GRIK5: variants seen among roughly 807,000 people sequenced by gnomAD.
The protein encoded by GRIK5 is glutamate ionotropic receptor kainate type subunit 5, also known as glutamate receptor ionotropic, kainate 5.
GRIK5 carries 43 observed loss-of-function variants against 97.4 expected under a neutral mutation model. The ratio of observed to expected loss-of-function variants is 0.44; its 90% CI spans 0.35 to 0.57. The LOEUF is 0.57. Ranked by LOEUF, GRIK5 falls within the 20% of genes least tolerant of loss-of-function variation. The pLI is 0.01. For missense variants in GRIK5, 1,015 were observed against 1,382.0 expected (o/e 0.73, Z 4.21); for synonymous variants, 580 against 583.5 (o/e 0.99, Z 0.09).
chr19:42,063,338 CAT>C (rs1265465289), intron 3 of GRIK5: 8 of 456,884 alleles, frequency 1.8e-5, no homozygotes, highest in East Asian at 1.4e-4. Flanking sequence ...TCCTTATACA[CAT>C]GTGTGTCTCA....
intron 12 of GRIK5, among the ~76,000 whole-genome samples, chr19:42,023,710 G>T (rs2075731986): frequency 6.6e-6 from 1 of 152,234 alleles, no homozygotes; most frequent in Non-Finnish European, 1.5e-5. Flanking sequence ...GGCAAGGACA[G>T]GGGCTCTGCT....
chr19:42,021,380 A>G lies in GRIK5; in HGVS notation c.1792T>C (p.Phe598Leu). The change falls in exon 15 of 20, where the codon TTT becomes CTT. Residue 598 changes from phenylalanine to leucine, a missense_variant. This residue lies in a region of GRIK5 where 477 missense variants were observed against 701.1 expected (regional missense o/e 0.68). Transcript: ENST00000593562. The surrounding 1 kb of genome is among the most constrained non-coding windows in gnomAD (Gnocchi z 4.2). ...NQYTLGNSLWFPVGGFMQQGS... is the reference protein window; with the variant it reads ...NQYTLGNSLWLPVGGFMQQGS... ...TGCTGCATGAAGCCCCCCACGGGAA[A>G]CCACAGGCTGTTGCCCAGCGTGTAC... The G allele has an allele frequency of 6.2e-7, 1 of 1,613,466 alleles. No individual in the cohort carries two copies. The highest frequency in any genetic ancestry group is 8.5e-7 in the Non-Finnish European group (1 of 1,179,790).
intron 12 of GRIK5, among the ~76,000 whole-genome samples, chr19:42,031,373 G>A (rs1474901095): frequency 3.9e-5 from 6 of 152,260 alleles, no homozygotes; most frequent in East Asian, 3.9e-4. Flanking sequence ...GAGCTTCCAC[G>A]TGGCTCTTTC....
At chr19:42,009,496 G>A (rs964645152) in intron 15 of GRIK5, among the ~76,000 whole-genome samples, 9 of 151,276 alleles carry the variant, frequency 5.9e-5, no homozygotes, top group Admixed American at 6.6e-5. Flanking sequence ...GGCTGGGCGC[G>A]GTGGCTCACG....
At chr19:42,043,728 T>C (rs2076009057) in intron 11 of GRIK5, among the ~76,000 whole-genome samples, 1 of 152,024 alleles carries the variant, frequency 6.6e-6, no homozygotes, top group South Asian at 2.1e-4. Flanking sequence ...TAAGAGAATT[T>C]GGAAACTTAA....
chr19:42,019,944 A>T (rs1465088018), intron 15 of GRIK5, among the ~76,000 whole-genome samples: 1 of 151,832 alleles, frequency 6.6e-6, no homozygotes, highest in East Asian at 1.9e-4. Context: ...TTTTTGCAGT[A>T]GCAATAGGAA....
At position 42,053,684 on chromosome 19, in the gene GRIK5, G is replaced by T; in HGVS notation, c.1187C>A (p.Thr396Asn). 1 of 1,612,770 alleles carries T rather than the reference G, an allele frequency of 6.2e-7. No homozygotes were observed. Among genetic ancestry groups the T allele is most frequent in the Non-Finnish European group, 8.5e-7 (1 of 1,178,740 alleles). ...CAGGGTGGTGGCATTCATGGCCAGG[G>T]TGCGGTTAGAGTACCACACCCCAAT... ...REIGVWYSNR[T>N]LAMNATTLDI... The change falls in exon 11 of 20, where the codon ACC becomes AAC. Residue 396 changes from threonine (T) to asparagine (N), a missense_variant. Transcript: ENST00000593562.
In GRIK5 at chr19:42,062,377, G is replaced by T; in HGVS notation, c.508+111C>A. ...AAGATGGGAGAAGAGCCTGGTGCCT[G>T]GGTGCCCCAGGGTTCTAACTAGGGG... is the stretch of plus-strand genomic sequence containing the variant. On this transcript the variant is annotated intron_variant, in intron 5 of 19. Transcript: ENST00000593562. The surrounding 1 kb of genome is among the most constrained non-coding windows in gnomAD (Gnocchi z 5.3). 9.6e-7 allele frequency: 1 copy of T among 1,038,092 alleles called. No homozygotes were observed. 64.3% of individuals were successfully genotyped at this position (1,038,092 alleles called of 1,614,324 possible).
intron 15 of GRIK5, among the ~76,000 whole-genome samples, chr19:42,014,262 C>T (rs541475356): frequency 2.6e-4 from 40 of 151,808 alleles, no homozygotes; most frequent in Non-Finnish European, 4.0e-4. Context: ...GGCGTGCTGG[C>T]GTGCGCTTGT....
At chr19:42,020,402 T>C (rs2075682578) in intron 15 of GRIK5, among the ~76,000 whole-genome samples, 1 of 152,246 alleles carries the variant, frequency 6.6e-6, no homozygotes, top group South Asian at 2.1e-4. Flanking sequence ...GGAATGGGGC[T>C]GATTCCTCAC....
intron 11 of GRIK5, among the ~76,000 whole-genome samples, chr19:42,047,597 C>T (rs1343242118): frequency 6.6e-6 from 1 of 151,966 alleles, no homozygotes; most frequent in Admixed American, 6.6e-5. Flanking sequence ...TGATTTGTGA[C>T]AAAGGTAAAA....
In GRIK5 at chr19:42,018,382, C is replaced by T. The variant is rs1029346345; in HGVS notation, c.1871+2919G>A. Among the ~76,000 whole-genome samples the T allele has an allele frequency of 5.4e-5, 8 of 149,184 alleles. 1 individual carries two copies. Among genetic ancestry groups the T allele is most frequent in the African/African-American group, 1.3e-4 (5 of 39,754 alleles). ...AGAAATGTTGCTTCTCAGCCAGGTGCCGTGGCTCACACCTGTAATCCCAGC... is the reference window on the plus strand; with the variant it reads ...AGAAATGTTGCTTCTCAGCCAGGTGTCGTGGCTCACACCTGTAATCCCAGC... On this transcript the variant is annotated intron_variant, in intron 15 of 19. Coordinates refer to ENST00000593562, the MANE Select transcript of GRIK5 (RefSeq NM_002088.5).
At chr19:42,052,321 G>C (rs2076127546) in intron 11 of GRIK5, among the ~76,000 whole-genome samples, 1 of 151,724 alleles carries the variant, frequency 6.6e-6, no homozygotes, top group African/African-American at 2.4e-5. Context: ...GCCTCCAGGA[G>C]GCTTCAGGGA....
At chr19:42,067,712 G>T (rs1196594342) in intron 1 of GRIK5, among the ~76,000 whole-genome samples, 1 of 152,084 alleles carries the variant, frequency 6.6e-6, no homozygotes, top group East Asian at 1.9e-4. Flanking sequence ...AGGGTTGAGG[G>T]GCAGCAGGTG....
chr19:42,031,508 C>T (rs2075840932), intron 12 of GRIK5, among the ~76,000 whole-genome samples: 1 of 152,214 alleles, frequency 6.6e-6, no homozygotes, highest in Non-Finnish European at 1.5e-5. Context: ...ATGGCCCCAT[C>T]AGGCCCCTTC....
chr19:42,060,770 C>T (rs1279634620), intron 5 of GRIK5, among the ~76,000 whole-genome samples: 1 of 151,996 alleles, frequency 6.6e-6, no homozygotes, highest in Non-Finnish European at 1.5e-5. Context: ...CTCCCTCCTT[C>T]CCCTCCTCCA....
At chr19:42,066,073 G>A (rs913324507) in intron 1 of GRIK5, among the ~76,000 whole-genome samples, 16 of 152,186 alleles carry the variant, frequency 1.1e-4, no homozygotes, top group Non-Finnish European at 2.9e-5. Flanking sequence ...GGCTGCAAGA[G>A]AGAGGATGGG....
rs146596403 is a variant in GRIK5 at position 41,999,766 on chromosome 19, C to G, written c.2515-467G>C. Reference sequence around the variant, plus strand: ...TCCCAGCCCTCGTGGAGGTTATGCTCAAGTGTGCAGAGACAGAAGATAACA... The same window carrying G: ...TCCCAGCCCTCGTGGAGGTTATGCTGAAGTGTGCAGAGACAGAAGATAACA... On this transcript the variant is annotated intron_variant, in intron 19 of 19. Coordinates refer to ENST00000593562, the MANE Select transcript of GRIK5 (RefSeq NM_002088.5). The surrounding 1 kb of genome is among the most constrained non-coding windows in gnomAD (Gnocchi z 5.0). Among the ~76,000 whole-genome samples, 1 of 152,302 alleles carries G rather than the reference C, an allele frequency of 6.6e-6. No homozygotes were observed. Among genetic ancestry groups the G allele is most frequent in the East Asian group, 1.9e-4 (1 of 5,184 alleles).
intron 11 of GRIK5, among the ~76,000 whole-genome samples, chr19:42,044,513 C>T (rs2076019172): frequency 1.3e-5 from 2 of 152,182 alleles, no homozygotes; most frequent in South Asian, 4.1e-4. Flanking sequence ...GCTAGGAAAA[C>T]AAGGCATGTG....
Sources: gnomAD v4.1 joint callset for allele counts (sites outside exome capture counted in the v4.1 genomes callset) on GRCh38, gnomAD v4.1.1 for gene constraint, gnomAD v4.1.1 regional missense constraint, Gnocchi (gnomAD v3.1) non-coding constraint, MANE v1.5 for transcripts, NCBI Gene and HGNC (gene_info 2026-07-23, HGNC 2026-07-21) for gene names.